The following IGFBP7 variants were observed in gnomAD, a reference collection of about 807,000 sequenced individuals.
IGFBP7 encodes the protein insulin like growth factor binding protein 7.
IGFBP7 carries 31 observed loss-of-function variants against 29.4 expected under a neutral mutation model. That is an observed-to-expected ratio of 1.05 (90% CI 0.79 to 1.42). The LOEUF (loss-of-function observed/expected upper bound fraction) is 1.42, where lower values mean the gene tolerates loss of function less well. IGFBP7 is among the 40% of genes most tolerant of loss of function. The pLI is 0.00. For synonymous variants in IGFBP7, 172 were observed against 174.9 expected (o/e 0.98, Z 0.13); for missense variants, 393 against 395.5 (o/e 0.99, Z 0.05).
intron 1 of IGFBP7, among the ~76,000 whole-genome samples, chr4:57,084,552 T>G (rs1482291259): frequency 6.6e-6 from 1 of 152,246 alleles, no homozygotes; most frequent in African/African-American, 2.4e-5. Context: ...ACCTCCTCCA[T>G]GAAGCCCTCC....
intron 1 of IGFBP7, among the ~76,000 whole-genome samples, chr4:57,076,004 C>T (rs1725214267): frequency 6.6e-6 from 1 of 152,198 alleles, no homozygotes; most frequent in Admixed American, 6.5e-5. Context: ...CTCAGTCGGC[C>T]TGGGCTGCTA....
At chr4:57,031,769 G>A (rs1467334091) in intron 4 of IGFBP7, among the ~76,000 whole-genome samples, 1 of 152,202 alleles carries the variant, frequency 6.6e-6, no homozygotes, top group Non-Finnish European at 1.5e-5. Flanking sequence ...AAGAGAATCT[G>A]ACCAAATACT....
chr4:57,082,227 G>A (rs1041750606), intron 1 of IGFBP7, among the ~76,000 whole-genome samples: 2 of 152,162 alleles, frequency 1.3e-5, no homozygotes, highest in Admixed American at 6.5e-5. Flanking sequence ...AGGAACAGGT[G>A]TGAGTTTCAG....
At chr4:57,042,267 G>A (rs1214390832) in intron 1 of IGFBP7, among the ~76,000 whole-genome samples, 1 of 152,236 alleles carries the variant, frequency 6.6e-6, no homozygotes, top group Admixed American at 6.5e-5. Context: ...ACTATGGCCT[G>A]TGGGCCAAAT....
intron 1 of IGFBP7, among the ~76,000 whole-genome samples, chr4:57,045,043 AC>A (rs1724324342): frequency 6.6e-6 from 1 of 152,182 alleles, no homozygotes; most frequent in Non-Finnish European, 1.5e-5. Context: ...ACCCAGGAAT[AC>A]TTTGAATGAC....
At chr4:57,037,539 C>A (rs926149818) in intron 2 of IGFBP7, among the ~76,000 whole-genome samples, 3 of 151,904 alleles carry the variant, frequency 2.0e-5, no homozygotes, top group Admixed American at 1.3e-4. Context: ...ACCACACCAG[C>A]CTCAACTGCC....
intron 1 of IGFBP7, among the ~76,000 whole-genome samples, chr4:57,085,812 T>C (rs1349686448): frequency 1.3e-5 from 2 of 152,252 alleles, no homozygotes; most frequent in South Asian, 2.1e-4. Context: ...TGTGTTGTTT[T>C]CATTTAGTGT....
rs1724128660 is a variant in IGFBP7 at position 57,038,189 on chromosome 4, G to A, written c.585+2635C>T. ...GCCGCATCCCTCCGGCCGCATGGGG[G>A]AGCCAGAGCTTAGCAGGTGACCCGA... On this transcript the variant is annotated intron_variant, in intron 2 of 4. Transcript: ENST00000295666. 2.0e-5 allele frequency among the ~76,000 whole-genome samples: 3 copies of A among 152,218 alleles called. No homozygotes were observed. In the South Asian group the frequency reaches 6.2e-4, roughly 32 times the overall value.
At chr4:57,042,567 C>T (rs752587860) in intron 1 of IGFBP7, among the ~76,000 whole-genome samples, 4 of 152,214 alleles carry the variant, frequency 2.6e-5, no homozygotes, top group Non-Finnish European at 2.9e-5. Flanking sequence ...AGGCTGGTCT[C>T]GAACCCCTGA....
At chr4:57,055,396 T>C (rs1469958113) in intron 1 of IGFBP7, among the ~76,000 whole-genome samples, 2 of 152,062 alleles carry the variant, frequency 1.3e-5, no homozygotes, top group Non-Finnish European at 2.9e-5. Flanking sequence ...TGTTTTTGAG[T>C]AGGAGATACT....
chr4:57,076,932 C>T (rs1231187694), intron 1 of IGFBP7, among the ~76,000 whole-genome samples: 2 of 152,214 alleles, frequency 1.3e-5, no homozygotes, highest in Admixed American at 6.5e-5. Flanking sequence ...ATGTATCCTT[C>T]ATCTTACTCA....
At chr4:57,097,234 C>T (rs1212075086) in intron 1 of IGFBP7, among the ~76,000 whole-genome samples, 1 of 152,160 alleles carries the variant, frequency 6.6e-6, no homozygotes, top group African/African-American at 2.4e-5. Context: ...ATGTGAGTGA[C>T]AATGAGCTTG....
At chr4:57,040,519 C>CACACCCACATAT (rs1724194848) in intron 2 of IGFBP7, among the ~76,000 whole-genome samples, 1 of 152,212 alleles carries the variant, frequency 6.6e-6, no homozygotes, top group South Asian at 2.1e-4. Context: ...CACTTTCACT[C>CACACCCACATAT]GCACCCACAT....
chr4:57,101,438 C>T lies in IGFBP7; in HGVS notation c.475+8439G>A, dbSNP rs188960965. On this transcript the variant is annotated intron_variant, in intron 1 of 4. Coordinates refer to ENST00000295666, the MANE Select transcript of IGFBP7 (RefSeq NM_001553.3). ...GACCAGAGGCCCCTCCCTGGATTCC[C>T]GGGACTGCTCCTCTCCCTGGTAACC... Among the ~76,000 whole-genome samples, 8 of 152,284 alleles carry T rather than the reference C, an allele frequency of 5.3e-5. No homozygotes were observed. The East Asian group carries it at 5.8e-4, about 11-fold the overall frequency.
intron 2 of IGFBP7, among the ~76,000 whole-genome samples, chr4:57,039,997 CT>C (rs1724181062): frequency 6.6e-6 from 1 of 151,948 alleles, no homozygotes; most frequent in Non-Finnish European, 1.5e-5. Flanking sequence ...GAATATCATG[CT>C]TTTTCCACTT....
intron 1 of IGFBP7, among the ~76,000 whole-genome samples, chr4:57,085,404 T>TA (rs1347534283): frequency 6.6e-6 from 1 of 152,218 alleles, no homozygotes. Flanking sequence ...TTTAACCTCC[T>TA]AGTCTTTTAA....
chr4:57,032,206 G>A, intron 4 of IGFBP7: 1 of 1,248,408 alleles, frequency 8.0e-7, no homozygotes, highest in Non-Finnish European at 1.0e-6. Flanking sequence ...TGTTAGATAA[G>A]GTAAAAGCAT....
At chr4:57,090,945 G>T (rs1725623480) in intron 1 of IGFBP7, among the ~76,000 whole-genome samples, 1 of 152,160 alleles carries the variant, frequency 6.6e-6, no homozygotes, top group South Asian at 2.1e-4. Context: ...ATTATACATT[G>T]GTTATTTTAT....
chr4:57,040,318 A>G (rs1487746714), intron 2 of IGFBP7, among the ~76,000 whole-genome samples: 1 of 152,170 alleles, frequency 6.6e-6, no homozygotes, highest in Non-Finnish European at 1.5e-5. Context: ...CAGTAAAATA[A>G]TAATAATGCC....
Sources: allele counts gnomAD v4.1 joint callset (sites outside exome capture counted in the v4.1 genomes callset), GRCh38; gene constraint gnomAD v4.1.1; transcripts MANE v1.5; gene names NCBI Gene and HGNC (gene_info 2026-07-23, HGNC 2026-07-21).